The following LRRC37A variants were observed in gnomAD, a reference collection of about 807,000 sequenced individuals.
The protein encoded by LRRC37A is leucine rich repeat containing 37A.
In LRRC37A, 3 loss-of-function variants were observed where a neutral mutation model predicts 35.4. That is an observed-to-expected ratio of 0.08 (90% CI 0.04 to 0.22). The LOEUF (loss-of-function observed/expected upper bound fraction) is 0.22. Among genes scored for constraint, LRRC37A ranks in the 10% least tolerant of loss-of-function variants. The pLI is 1.00. For synonymous variants in LRRC37A, 23 were observed against 215.0 expected, an observed-to-expected ratio of 0.11 and a Z score of 7.81; for missense variants, 67 against 565.3, an observed-to-expected ratio of 0.12 and a Z score of 8.94.
At chr17:46,266,255 T>TC in the LRRC37A span, among the ~76,000 whole-genome samples, 1 of 152,172 alleles carries the variant, frequency 6.6e-6, no homozygotes, top group Non-Finnish European at 1.5e-5. Context: ...CCCCACTCAG[T>TC]CCCTCAGTCC....
the LRRC37A span, among the ~76,000 whole-genome samples, chr17:46,261,055 A>G: frequency 6.6e-6 from 1 of 152,136 alleles, no homozygotes; most frequent in East Asian, 1.9e-4. Context: ...TTGGGGAATC[A>G]GGGGGAAAGG....
the LRRC37A span, among the ~76,000 whole-genome samples, chr17:46,255,877 G>A: frequency 1.3e-4 from 19 of 151,274 alleles, no homozygotes; most frequent in Non-Finnish European, 1.9e-4. Flanking sequence ...GGGTTTCACC[G>A]TGTTAGCCAG....
the LRRC37A span, chr17:46,267,648 A>C: frequency 1.5e-5 from 20 of 1,359,374 alleles, no homozygotes; most frequent in East Asian, 4.8e-4. Flanking sequence ...TTGTAACATG[A>C]TTAGGATTTA....
chr17:46,263,870 A>G, the LRRC37A span, among the ~76,000 whole-genome samples: 2 of 151,250 alleles, frequency 1.3e-5, no homozygotes, highest in African/African-American at 4.9e-5. Context: ...AAAAAAAAAA[A>G]AAAAGAGAGA....
At chr17:46,291,127 G>C (rs554936671), upstream of LRRC37A, among the ~76,000 whole-genome samples, 1 of 152,358 alleles carries the variant, frequency 6.6e-6, no homozygotes, top group South Asian at 2.1e-4. Flanking sequence ...TTTATAGAGA[G>C]AGACTGAACT....
the LRRC37A span, among the ~76,000 whole-genome samples, chr17:46,256,926 A>T: frequency 6.6e-6 from 1 of 152,246 alleles, no homozygotes; most frequent in Admixed American, 6.5e-5. Flanking sequence ...CTTCATCGCC[A>T]TTTGTAGAAG....
chr17:46,287,368 T>A, the LRRC37A span, among the ~76,000 whole-genome samples: 1 of 152,252 alleles, frequency 6.6e-6, no homozygotes, highest in Non-Finnish European at 1.5e-5. Flanking sequence ...CATTTCAATA[T>A]CAGGGCTATT....
chr17:46,266,821 C>T, the LRRC37A span, among the ~76,000 whole-genome samples: 1 of 151,668 alleles, frequency 6.6e-6, no homozygotes, highest in Non-Finnish European at 1.5e-5. Context: ...CTCCCACAGG[C>T]CCGCGCCTGG....
the LRRC37A span, chr17:46,275,377 G>A: frequency 4.0e-6 from 4 of 1,010,894 alleles, no homozygotes; most frequent in Middle Eastern, 2.9e-4. Context: ...TTAACATGCT[G>A]AACTTTAGGA....
chr17:46,278,101 C>G, the LRRC37A span, among the ~76,000 whole-genome samples: 1 of 152,142 alleles, frequency 6.6e-6, no homozygotes, highest in Non-Finnish European at 1.5e-5. Flanking sequence ...CGTGCACCAC[C>G]ATGCCTGGCT....
chr17:46,281,890 C>T, the LRRC37A span, among the ~76,000 whole-genome samples: 9 of 152,286 alleles, frequency 5.9e-5, no homozygotes, highest in Non-Finnish European at 7.3e-5. Flanking sequence ...GTGATCCACC[C>T]GCCTCGGCCT....
upstream of LRRC37A, among the ~76,000 whole-genome samples, chr17:46,288,305 C>CTTTTTTT (rs78255121): frequency 1.8e-5 from 2 of 112,260 alleles, no homozygotes; most frequent in Non-Finnish European, 3.4e-5. Flanking sequence ...CCAGGCCCGG[C>CTTTTTTT]TTTTTTTTTT....
the LRRC37A span, chr17:46,267,470 G>A: frequency 6.2e-7 from 1 of 1,611,664 alleles, no homozygotes; most frequent in Non-Finnish European, 8.5e-7. Context: ...CCACATGTTA[G>A]TCCTGGACTC....
At chr17:46,275,418 C>A in the LRRC37A span, 209 of 959,410 alleles carry the variant, frequency 2.2e-4, 4 homozygotes, top group South Asian at 2.7e-3. Context: ...TGTTGTGAGA[C>A]CTACAGAGTA....
the LRRC37A span, among the ~76,000 whole-genome samples, chr17:46,276,476 T>C: frequency 3.9e-5 from 6 of 152,232 alleles, no homozygotes; most frequent in African/African-American, 1.4e-4. Flanking sequence ...CAACATCCAG[T>C]TCTGATTCCA....
upstream of LRRC37A, among the ~76,000 whole-genome samples, chr17:46,291,826 T>C (rs1567858498): frequency 6.6e-6 from 1 of 151,990 alleles, no homozygotes; most frequent in African/African-American, 2.4e-5. Context: ...GATGGTGGCA[T>C]GGCACGCGCC....
chr17:46,268,458 G>A, the LRRC37A span: 6 of 1,250,498 alleles, frequency 4.8e-6, no homozygotes, highest in Non-Finnish European at 6.3e-6. Context: ...CTGTTTCATG[G>A]CATTTAAAAG....
At chr17:46,254,316 G>A in the LRRC37A span, among the ~76,000 whole-genome samples, 4 of 152,230 alleles carry the variant, frequency 2.6e-5, no homozygotes, top group East Asian at 7.7e-4. Flanking sequence ...AGAGGTCCTA[G>A]TGCCAAAGGA....
At chr17:46,258,066 G>C in the LRRC37A span, among the ~76,000 whole-genome samples, 6 of 152,160 alleles carry the variant, frequency 3.9e-5, no homozygotes, top group Admixed American at 6.6e-5. Flanking sequence ...ACTGAATATT[G>C]GTTGAAGACT....
Sources: gnomAD v4.1 joint callset for allele counts (sites outside exome capture counted in the v4.1 genomes callset) on GRCh38, gnomAD v4.1.1 for gene constraint, MANE v1.5 for transcripts, NCBI Gene and HGNC (gene_info 2026-07-23, HGNC 2026-07-21) for gene names.